KIRREL3: variants seen among roughly 807,000 people sequenced by gnomAD.
The protein encoded by KIRREL3 is kin of IRRE-like protein 3.
KIRREL3 carries 36 observed loss-of-function variants against 89.7 expected under a neutral mutation model. That is an observed-to-expected ratio of 0.40 (90% CI 0.31 to 0.53). The LOEUF (loss-of-function observed/expected upper bound fraction) is 0.53. KIRREL3 is among the 20% of genes least tolerant of loss of function. KIRREL3 has a pLI of 0.49. For missense variants in KIRREL3, 864 were observed against 1,056.6 expected (o/e 0.82, Z 2.53); for synonymous variants, 445 against 441.4 (o/e 1.01, Z -0.10).
intron 1 of KIRREL3, among the ~76,000 whole-genome samples, chr11:126,616,064 C>T (rs918250749): frequency 5.3e-5 from 8 of 152,260 alleles, no homozygotes; most frequent in East Asian, 3.9e-4. Flanking sequence ...TGCATTACTA[C>T]GCGGCCGAGC....
At chr11:126,693,631 A>ACACACC (rs775737611) in intron 1 of KIRREL3, among the ~76,000 whole-genome samples, 2,078 of 151,550 alleles carry the variant, frequency 0.014, 54 homozygotes, top group African/African-American at 0.047. Flanking sequence ...ACACACACAC[A>ACACACC]CCCATAGTCA....
At position 126,528,084 on chromosome 11, in the gene KIRREL3, G is replaced by A. The variant is rs1368992949; in HGVS notation, c.134-1397C>T. 6.6e-6 allele frequency among the ~76,000 whole-genome samples: 1 copy of A among 152,208 alleles called. No homozygotes were observed. The highest frequency in any genetic ancestry group is 2.4e-5 in the African/African-American group (1 of 41,460). ...ACAGTAACCTGCCCAAGGTCACGCA[G>A]CTAATGAGTGTTAGAGCAGGGGTTT... On this transcript the variant is annotated intron_variant, in intron 2 of 16. Transcript: ENST00000525144. This position sits in a 1 kb window ranked among gnomAD's most constrained non-coding sequence, Gnocchi z 4.6.
chr11:126,804,026 T>G (rs1374516714), intron 1 of KIRREL3, among the ~76,000 whole-genome samples: 1 of 152,230 alleles, frequency 6.6e-6, no homozygotes, highest in African/African-American at 2.4e-5. Context: ...TGTGTGCATA[T>G]ATGTGTCATC....
At chr11:126,765,920 C>T (rs1949809974) in intron 1 of KIRREL3, among the ~76,000 whole-genome samples, 2 of 152,132 alleles carry the variant, frequency 1.3e-5, no homozygotes, top group Admixed American at 6.5e-5. Context: ...CCCCTCCCTT[C>T]CCCCCATAAT....
chr11:126,487,592 C>CT (rs572921699), intron 4 of KIRREL3, among the ~76,000 whole-genome samples: 2 of 152,224 alleles, frequency 1.3e-5, no homozygotes, highest in South Asian at 2.1e-4. Context: ...GAGCCTTCTT[C>CT]TTTTTTTGTT....
At position 126,565,043 on chromosome 11, in the gene KIRREL3, G is replaced by A. The variant is rs549733119; in HGVS notation, c.56-2131C>T. Among the ~76,000 whole-genome samples, 135 of 152,274 alleles carry A rather than the reference G, an allele frequency of 8.9e-4. 2 individuals carry two copies. The highest frequency in any genetic ancestry group is 1.4e-3 in the Non-Finnish European group (94 of 68,020). On this transcript the variant is annotated intron_variant, in intron 1 of 16. Transcript: ENST00000525144. This position sits in a 1 kb window ranked among gnomAD's most constrained non-coding sequence, Gnocchi z 5.4. ...ATGAGAAAGGGAGTTTGGGCTCCTG[G>A]ACTAAGCCCAAACTCAATCCAGGAG...
intron 1 of KIRREL3, among the ~76,000 whole-genome samples, chr11:126,741,495 T>G (rs1948981585): frequency 6.6e-6 from 1 of 152,162 alleles, no homozygotes; most frequent in Admixed American, 6.5e-5. Context: ...TGACAAGGAA[T>G]GATTTCTTTC....
At chr11:126,779,226 C>T (rs1464565296) in intron 1 of KIRREL3, among the ~76,000 whole-genome samples, 1 of 152,180 alleles carries the variant, frequency 6.6e-6, no homozygotes, top group Non-Finnish European at 1.5e-5. Context: ...GTTTGGAAGG[C>T]TCCATGACAT....
chr11:126,451,539 AGT>A (rs1262029168), intron 7 of KIRREL3, among the ~76,000 whole-genome samples: 15 of 82,650 alleles, frequency 1.8e-4, no homozygotes, highest in Admixed American at 5.9e-4. Flanking sequence ...CATGTGTGAG[AGT>A]GTGCATGTGT....
At chr11:126,789,259 T>G (rs1265337693) in intron 1 of KIRREL3, among the ~76,000 whole-genome samples, 1 of 152,180 alleles carries the variant, frequency 6.6e-6, no homozygotes, top group Non-Finnish European at 1.5e-5. Flanking sequence ...AGCCAACCCT[T>G]GCCACGTGCA....
chr11:126,799,903 T>A (rs995286008), intron 1 of KIRREL3, among the ~76,000 whole-genome samples: 3 of 152,156 alleles, frequency 2.0e-5, no homozygotes, highest in Admixed American at 1.3e-4. Flanking sequence ...GATGGTGAGA[T>A]GCTGGGACTC....
rs937537803 is a variant in KIRREL3 at position 126,905,216 on chromosome 11, A to G, written c.55+95239T>C. Reference sequence around the variant, plus strand: ...GAAGGCAGGGCTTGGCTTACTTCCAATAAGTCACCTTCCATGGCAAGGGGA... The same window carrying G: ...GAAGGCAGGGCTTGGCTTACTTCCAGTAAGTCACCTTCCATGGCAAGGGGA... On this transcript the variant is annotated intron_variant, in intron 1 of 16. Coordinates refer to ENST00000525144, the MANE Select transcript of KIRREL3 (RefSeq NM_032531.4). The surrounding 1 kb of genome is among the most constrained non-coding windows in gnomAD (Gnocchi z 5.0). Among the ~76,000 whole-genome samples, 2 of 152,096 alleles carry G rather than the reference A, an allele frequency of 1.3e-5. No homozygotes were observed. Among genetic ancestry groups the G allele is most frequent in the East Asian group, 1.9e-4 (1 of 5,178 alleles).
Position 126,520,424 on chromosome 11 carries a change from TG to T in KIRREL3, c.433+890del, listed in dbSNP as rs1222265963. Among the ~76,000 whole-genome samples the T allele has an allele frequency of 3.3e-5, 5 of 152,188 alleles. No individual in the cohort carries two copies. The highest frequency in any genetic ancestry group is 7.3e-5 in the Non-Finnish European group (5 of 68,030). ...CATCTGTGGGCCTTAGTATCTCATC[TG>T]GGGTAACAGTCCCTGTCCCACCGAG... On this transcript the variant is annotated intron_variant, in intron 4 of 16. Coordinates refer to ENST00000525144, the MANE Select transcript of KIRREL3 (RefSeq NM_032531.4). The surrounding 1 kb of genome is among the most constrained non-coding windows in gnomAD (Gnocchi z 4.9).
At chr11:126,556,528 C>G (rs1939717941) in intron 2 of KIRREL3, among the ~76,000 whole-genome samples, 1 of 151,950 alleles carries the variant, frequency 6.6e-6, no homozygotes, top group African/African-American at 2.4e-5. Flanking sequence ...GTTCTTCTGG[C>G]TACTTGGGAG....
In KIRREL3 at chr11:126,562,502, A is replaced by C. The variant is rs1037438024; in HGVS notation, c.133+333T>G. Among the ~76,000 whole-genome samples, 1 of 152,198 alleles carries C rather than the reference A, an allele frequency of 6.6e-6. No individual in the cohort carries two copies. Among genetic ancestry groups the C allele is most frequent in the African/African-American group, 2.4e-5 (1 of 41,444 alleles). On this transcript the variant is annotated intron_variant, in intron 2 of 16. Transcript: ENST00000525144. This position sits in a 1 kb window ranked among gnomAD's most constrained non-coding sequence, Gnocchi z 4.7. ...GGCAAGTAGAGAGGTCTGGATTAGA[A>C]ATGAAAATAGGAGCAGATTTAATTG... is the stretch of plus-strand genomic sequence containing the variant.
At chr11:126,915,090 A>G (rs1447253246) in intron 1 of KIRREL3, among the ~76,000 whole-genome samples, 1 of 152,162 alleles carries the variant, frequency 6.6e-6, no homozygotes, top group East Asian at 1.9e-4. Flanking sequence ...TGATTACACC[A>G]TATTGGAGTT....
chr11:126,479,905 G>A (rs1341574610), intron 4 of KIRREL3, among the ~76,000 whole-genome samples: 2 of 152,158 alleles, frequency 1.3e-5, no homozygotes, highest in East Asian at 3.9e-4. Context: ...AGTTCAGAGG[G>A]CACCCTCTCT....
At chr11:126,865,987 T>G (rs1424512337) in intron 1 of KIRREL3, among the ~76,000 whole-genome samples, 1 of 152,180 alleles carries the variant, frequency 6.6e-6, no homozygotes, top group African/African-American at 2.4e-5. Flanking sequence ...CACAGCCCAT[T>G]GCTGGGCAGG....
chr11:126,990,139 C>T lies in KIRREL3; in HGVS notation c.55+10316G>A, dbSNP rs947279559. On this transcript the variant is annotated intron_variant, in intron 1 of 16. Coordinates refer to ENST00000525144, the MANE Select transcript of KIRREL3 (RefSeq NM_032531.4). The surrounding 1 kb of genome is among the most constrained non-coding windows in gnomAD (Gnocchi z 6.3). ...GAGGTAGGGGCTCTGGGCTGGCGGT[C>T]CCCCTGCTGGGGAGGACTCACCTTC... is the stretch of plus-strand genomic sequence containing the variant. 6.6e-6 allele frequency among the ~76,000 whole-genome samples: 1 copy of T among 152,086 alleles called. No individual in the cohort carries two copies. The highest frequency in any genetic ancestry group is 1.5e-5 in the Non-Finnish European group (1 of 68,014).
Sources: gnomAD v4.1 joint callset for allele counts (sites outside exome capture counted in the v4.1 genomes callset) on GRCh38, gnomAD v4.1.1 for gene constraint, Gnocchi (gnomAD v3.1) non-coding constraint, MANE v1.5 for transcripts, NCBI Gene and HGNC (gene_info 2026-07-23, HGNC 2026-07-21) for gene names.